Variants in CPA6 observed in about 807,000 individuals in gnomAD.
CPA6 encodes the protein carboxypeptidase A6.
A neutral mutation model predicts 63.3 loss-of-function variants in CPA6; 58 were observed. That is an observed-to-expected ratio of 0.92 (90% CI 0.74 to 1.14). The LOEUF is 1.14. Ranked by LOEUF, CPA6 falls within the 50% of genes most tolerant of loss-of-function variation. The pLI is 0.00. For missense variants in CPA6, 565 were observed against 526.6 expected (o/e 1.07, Z -0.71); for synonymous variants, 185 against 179.0 (o/e 1.03, Z -0.27).
intron 8 of CPA6, among the ~76,000 whole-genome samples, chr8:67,455,297 C>G (rs1810646442): frequency 6.6e-6 from 1 of 152,056 alleles, no homozygotes; most frequent in African/African-American, 2.4e-5. Context: ...CCTGGGTGGA[C>G]TTGAGAACCA....
At chr8:67,561,900 T>C (rs899617892) in intron 2 of CPA6, among the ~76,000 whole-genome samples, 3 of 152,216 alleles carry the variant, frequency 2.0e-5, no homozygotes, top group African/African-American at 4.8e-5. Flanking sequence ...TTAAAAGGTA[T>C]GCTTTCCATT....
intron 6 of CPA6, among the ~76,000 whole-genome samples, chr8:67,501,687 T>C (rs1486706803): frequency 6.6e-6 from 1 of 152,186 alleles, no homozygotes; most frequent in East Asian, 1.9e-4. Flanking sequence ...TGTATCTATT[T>C]TCAAGAAGGA....
At chr8:67,511,930 A>G (rs532278919) in intron 3 of CPA6, among the ~76,000 whole-genome samples, 2 of 152,340 alleles carry the variant, frequency 1.3e-5, no homozygotes, top group South Asian at 4.1e-4. Context: ...CAACAACCGA[A>G]TGATGACTAC....
chr8:67,568,260 T>A (rs1171474949), intron 2 of CPA6, among the ~76,000 whole-genome samples: 1 of 152,114 alleles, frequency 6.6e-6, no homozygotes, highest in Non-Finnish European at 1.5e-5. Flanking sequence ...TAGGAAATCA[T>A]GATACCTCCA....
At chr8:67,497,046 G>A (rs1338053526) in intron 6 of CPA6, among the ~76,000 whole-genome samples, 1 of 152,028 alleles carries the variant, frequency 6.6e-6, no homozygotes, top group Non-Finnish European at 1.5e-5. Flanking sequence ...CTTTCATTTA[G>A]CATGTTTTCA....
Position 67,552,774 on chromosome 8 carries a change from C to CAAAAAAAAA in CPA6, c.193-34736_193-34728dup, listed in dbSNP as rs762395117. Among the ~76,000 whole-genome samples the CAAAAAAAAA allele has an allele frequency of 7.4e-3, 154 of 20,890 alleles. 3 individuals are homozygous for CAAAAAAAAA. Among genetic ancestry groups the CAAAAAAAAA allele is most frequent in the Non-Finnish European group, 0.011 (122 of 11,492 alleles). The allele number at this position is 20,890 out of a possible 152,430, so 13.7% of individuals were successfully genotyped here. A position where few individuals can be genotyped will look rare whatever the true frequency, so the allele number is the denominator to read the frequency against. On this transcript the variant is annotated intron_variant, in intron 2 of 10. Transcript: ENST00000297770. ...CCTGGGTGACAGAGCAAGACTGTCT[C>CAAAAAAAAA]AAAAAAAAAAAAAAAAAAAAAAAAA... is the stretch of plus-strand genomic sequence containing the variant.
chr8:67,572,593 A>G (rs1281673853), intron 2 of CPA6, among the ~76,000 whole-genome samples: 1 of 152,186 alleles, frequency 6.6e-6, no homozygotes, highest in Non-Finnish European at 1.5e-5. Flanking sequence ...CCTCTTTTGT[A>G]TATAAATTAC....
At chr8:67,630,938 G>T (rs968207408) in intron 1 of CPA6, among the ~76,000 whole-genome samples, 5 of 152,228 alleles carry the variant, frequency 3.3e-5, no homozygotes, top group Non-Finnish European at 7.3e-5. Flanking sequence ...TTGAATTCTT[G>T]CCAGGCCTCA....
intron 1 of CPA6, among the ~76,000 whole-genome samples, chr8:67,745,669 T>TC (rs1380863121): frequency 1.3e-5 from 2 of 152,014 alleles, no homozygotes; most frequent in East Asian, 3.9e-4. Flanking sequence ...AGTTTTCAGG[T>TC]CATAAATCAT....
chr8:67,729,598 T>A (rs1305614258), intron 1 of CPA6, among the ~76,000 whole-genome samples: 1 of 152,212 alleles, frequency 6.6e-6, no homozygotes, highest in East Asian at 1.9e-4. Flanking sequence ...TTAGTGCTAC[T>A]GCAGAGCATT....
chr8:67,608,672 C>A (rs1814728926), intron 2 of CPA6, among the ~76,000 whole-genome samples: 1 of 152,198 alleles, frequency 6.6e-6, no homozygotes, highest in Non-Finnish European at 1.5e-5. Flanking sequence ...CCATGGATGG[C>A]AAAGCTAAAG....
At chr8:67,654,002 T>C (rs964053355) in intron 1 of CPA6, among the ~76,000 whole-genome samples, 9 of 152,022 alleles carry the variant, frequency 5.9e-5, no homozygotes, top group South Asian at 4.2e-4. Flanking sequence ...GAGATAATCA[T>C]GTGGTTTTTG....
intron 2 of CPA6, among the ~76,000 whole-genome samples, chr8:67,579,118 T>A (rs1170914189): frequency 2.6e-5 from 4 of 152,186 alleles, no homozygotes; most frequent in African/African-American, 9.7e-5. Flanking sequence ...AACTTAAAAA[T>A]CATATGTTTA....
intron 1 of CPA6, among the ~76,000 whole-genome samples, chr8:67,640,166 G>A (rs1815557496): frequency 6.6e-6 from 1 of 151,478 alleles, no homozygotes; most frequent in Non-Finnish European, 1.5e-5. Flanking sequence ...GTGGGACTGG[G>A]AGCCTGGCCC....
rs1403993208 is a variant in CPA6 at position 67,563,058 on chromosome 8, C to T, written c.193-45011G>A. On this transcript the variant is annotated intron_variant, in intron 2 of 10. Coordinates refer to ENST00000297770, the MANE Select transcript of CPA6 (RefSeq NM_020361.5). Reference sequence around the variant, plus strand: ...CCATAGCAATGATCACTGTGATGAGCATGGAGTAGTTGCTCAATGAATGTT... The same window carrying T: ...CCATAGCAATGATCACTGTGATGAGTATGGAGTAGTTGCTCAATGAATGTT... Among the ~76,000 whole-genome samples the T allele has an allele frequency of 3.3e-5, 5 of 151,272 alleles. No homozygotes were observed. The East Asian group carries it at 9.7e-4, about 29-fold the overall frequency.
intron 9 of CPA6, among the ~76,000 whole-genome samples, chr8:67,432,425 G>A: frequency 6.6e-6 from 1 of 152,066 alleles, no homozygotes. Context: ...ATTGCCGTAT[G>A]CTTCTCTTCC....
At chr8:67,451,000 G>A (rs1810545842) in intron 8 of CPA6, among the ~76,000 whole-genome samples, 1 of 152,174 alleles carries the variant, frequency 6.6e-6, no homozygotes, top group Non-Finnish European at 1.5e-5. Context: ...CCTTTAGAGG[G>A]TGAGCTCCTT....
chr8:67,451,662 G>A (rs964168869), intron 8 of CPA6, among the ~76,000 whole-genome samples: 4 of 152,176 alleles, frequency 2.6e-5, no homozygotes, highest in Admixed American at 6.5e-5. Flanking sequence ...AAAGGTTGGG[G>A]ACTGTTGCCT....
At chr8:67,557,407 G>T (rs1169635037) in intron 2 of CPA6, among the ~76,000 whole-genome samples, 2 of 152,284 alleles carry the variant, frequency 1.3e-5, no homozygotes, top group Non-Finnish European at 2.9e-5. Context: ...GATTCATGCA[G>T]CTTCCATTTC....
Sources: gnomAD v4.1 joint callset for allele counts (sites outside exome capture counted in the v4.1 genomes callset) on GRCh38, gnomAD v4.1.1 for gene constraint, MANE v1.5 for transcripts, NCBI Gene and HGNC (gene_info 2026-07-23, HGNC 2026-07-21) for gene names.